The following MYO18B variants were observed in gnomAD, a reference collection of about 807,000 sequenced individuals.
MYO18B encodes the protein unconventional myosin-XVIIIb.
A neutral mutation model predicts 273.0 loss-of-function variants in MYO18B; 204 were observed. The ratio of observed to expected loss-of-function variants is 0.75; its 90% confidence interval spans 0.67 to 0.84. The LOEUF (loss-of-function observed/expected upper bound fraction) is 0.84, where lower values mean the gene tolerates loss of function less well. Among genes scored for constraint, MYO18B ranks in the 40% least tolerant of loss-of-function variants. MYO18B has a pLI of 0.00. For synonymous variants in MYO18B, 1,330 were observed against 1,305.7 expected (o/e 1.02, Z -0.40); for missense variants, 3,212 against 3,287.6 (o/e 0.98, Z 0.56).
intron 12 of MYO18B, among the ~76,000 whole-genome samples, chr22:25,800,119 G>A (rs1194732160): frequency 1.3e-5 from 2 of 152,132 alleles, no homozygotes; most frequent in Non-Finnish European, 2.9e-5. Flanking sequence ...TCACTTACAA[G>A]TGGGAGCTAA....
rs533499254 is a variant in MYO18B, at chr22:25,780,646, T to C, written c.2211+448T>C. Among the ~76,000 whole-genome samples the C allele has an allele frequency of 1.6e-4, 18 of 109,492 alleles. No homozygotes were observed. In the South Asian group the frequency reaches 5.1e-3, roughly 31 times the overall value. The allele number at this position is 109,492 out of a possible 152,430, so 71.8% of individuals were successfully genotyped here. On this transcript the variant is annotated intron_variant, in intron 9 of 43. Coordinates refer to ENST00000335473, the MANE Select transcript of MYO18B (RefSeq NM_032608.7). ...AAAAAAGAAAGAAAGAAAATAGTAA[T>C]AATAATAATAAAATAATGAAATGGT...
At chr22:25,964,058 T>C (rs1365623144) in intron 39 of MYO18B, 2 of 152,318 alleles carry the variant, frequency 1.3e-5, no homozygotes, top group East Asian at 3.9e-4. Context: ...TCCTCTGTTT[T>C]GAGAACTTGT....
At chr22:26,061,109 T>C in the MYO18B span, among the ~76,000 whole-genome samples, 677 of 152,320 alleles carry the variant, frequency 4.4e-3, 6 homozygotes, top group African/African-American at 0.015. Context: ...AGTGCCAGCT[T>C]CTGCTGAGGA....
intron 42 of MYO18B, among the ~76,000 whole-genome samples, chr22:26,025,246 G>A (rs183344341): frequency 6.6e-6 from 1 of 152,294 alleles, no homozygotes; most frequent in African/African-American, 2.4e-5. Context: ...CCTCAAGGGA[G>A]CTTTGGGTTG....
At chr22:26,033,770 A>C (rs2147048183), downstream of MYO18B, among the ~76,000 whole-genome samples, 1 of 139,406 alleles carries the variant, frequency 7.2e-6, no homozygotes, top group South Asian at 2.4e-4. Context: ...TTCTCTCTGT[A>C]TCTTTTTCTT....
At position 25,768,160 on chromosome 22, in the gene MYO18B, G is replaced by A; in HGVS notation, c.244G>A (p.Gly82Ser). ...CCAACCCAACAGCAAGTCCAGCAGTGGCACCAGATCTGGAAGCCAGCAGAT... is the reference window on the plus strand; with the variant it reads ...CCAACCCAACAGCAAGTCCAGCAGTAGCACCAGATCTGGAAGCCAGCAGAT... The part of the protein sequence containing the change: ...ISQPNSKSSS[G>S]TRSGSQQISQ... The change falls in exon 4 of 44, where the codon GGC (glycine) becomes AGC (serine). Residue 82 changes from glycine (G) to serine (S), a missense_variant. Coordinates refer to ENST00000335473, the MANE Select transcript of MYO18B (RefSeq NM_032608.7). 1 of 1,611,556 alleles carries A rather than the reference G, an allele frequency of 6.2e-7. No homozygotes were observed. The highest frequency in any genetic ancestry group is 8.5e-7 in the Non-Finnish European group (1 of 1,178,670).
intron 42 of MYO18B, among the ~76,000 whole-genome samples, chr22:26,008,386 C>T (rs1291462208): frequency 6.6e-6 from 1 of 152,160 alleles, no homozygotes; most frequent in Non-Finnish European, 1.5e-5. Flanking sequence ...CCTATTTATA[C>T]CCGCTCCCAT....
chr22:25,998,384 G>A (rs187822871), intron 40 of MYO18B, among the ~76,000 whole-genome samples: 10 of 152,316 alleles, frequency 6.6e-5, no homozygotes, highest in African/African-American at 1.7e-4. Flanking sequence ...GGGTTTGGGC[G>A]AGATGTAGAG....
chr22:26,016,577 T>C (rs1935344776), intron 42 of MYO18B, among the ~76,000 whole-genome samples: 1 of 152,216 alleles, frequency 6.6e-6, no homozygotes, highest in East Asian at 1.9e-4. Flanking sequence ...TCTGAATTAT[T>C]CAGCCCAGGT....
rs1175744553 is a variant in MYO18B at position 25,777,661 on chromosome 22, C to G, written c.1948C>G (p.Gln650Glu). ...AQRAYWALLN[Q>E]RRDQSIVALG... is the part of the protein sequence containing the mutation. ...GCGGGCATACTGGGCGCTGCTGAAC[C>G]AGCGGAGAGACCAGAGCATTGTGGC... Residue 650 changes from glutamine (Q) to glutamate (E), a missense_variant, in exon 8 of 44, where the codon CAG (glutamine) becomes GAG (glutamate). Physicochemically the swap from Gln to Glu is conservative, Grantham distance 29 (BLOSUM62 2). Transcript: ENST00000335473. 6.2e-7 allele frequency: 1 copy of G among 1,613,102 alleles called. No individual in the cohort carries two copies. The highest frequency in any genetic ancestry group is 1.7e-5 in the Admixed American group (1 of 59,938).
At chr22:25,901,657 T>C (rs2091937688) in intron 29 of MYO18B, 1 of 152,160 alleles carries the variant, frequency 6.6e-6, no homozygotes, top group Non-Finnish European at 1.5e-5. Flanking sequence ...AGACAATATG[T>C]TAAAATATGA....
At chr22:25,948,458 CCTT>C (rs2092748044) in intron 36 of MYO18B, among the ~76,000 whole-genome samples, 1 of 123,016 alleles carries the variant, frequency 8.1e-6, no homozygotes, top group Non-Finnish European at 1.7e-5. Context: ...TTCCTTCCTT[CCTT>C]CTTTCTTTCT....
chr22:25,782,323 C>T lies in MYO18B; in HGVS notation c.2312+489C>T, dbSNP rs190846018. 3.6e-3 allele frequency among the ~76,000 whole-genome samples: 552 copies of T among 152,304 alleles called. 1 individual carries two copies. Among genetic ancestry groups the T allele is most frequent in the Non-Finnish European group, 5.9e-3 (400 of 68,016 alleles). On this transcript the variant is annotated intron_variant, in intron 10 of 43. Coordinates refer to ENST00000335473, the MANE Select transcript of MYO18B (RefSeq NM_032608.7). Reference sequence around the variant, plus strand: ...TGGGAAGAGGGAGAGGGACAGCAGACCCCCATGTCTTCCAGAAGTTTCTAA... The same window carrying T: ...TGGGAAGAGGGAGAGGGACAGCAGATCCCCATGTCTTCCAGAAGTTTCTAA...
chr22:25,906,781 G>A (rs2092053554), intron 31 of MYO18B, among the ~76,000 whole-genome samples: 1 of 152,124 alleles, frequency 6.6e-6, no homozygotes, highest in African/African-American at 2.4e-5. Flanking sequence ...ATGGTGGCTG[G>A]CAAGAGAGAG....
chr22:25,826,939 T>C (rs1482634901), intron 14 of MYO18B, among the ~76,000 whole-genome samples: 2 of 152,026 alleles, frequency 1.3e-5, no homozygotes, highest in African/African-American at 4.8e-5. Context: ...TGGGCGCCTG[T>C]AATCCCAGCT....
chr22:26,021,910 G>A (rs1462699626), intron 42 of MYO18B, among the ~76,000 whole-genome samples: 1 of 152,190 alleles, frequency 6.6e-6, no homozygotes, highest in Non-Finnish European at 1.5e-5. Flanking sequence ...TAGCTGTTGT[G>A]ACCAATGACT....
At chr22:25,798,597 A>G (rs2088036230) in intron 12 of MYO18B, among the ~76,000 whole-genome samples, 1 of 151,700 alleles carries the variant, frequency 6.6e-6, no homozygotes, top group Non-Finnish European at 1.5e-5. Context: ...AGGGTCTTGC[A>G]TTGTTGTTCA....
chr22:25,798,964 C>T (rs1231863418), intron 12 of MYO18B, among the ~76,000 whole-genome samples: 1 of 152,030 alleles, frequency 6.6e-6, no homozygotes, highest in Admixed American at 6.6e-5. Context: ...TGTCTGCTTG[C>T]GATTTTCCCC....
At chr22:25,978,075 G>T (rs558708096) in intron 39 of MYO18B, among the ~76,000 whole-genome samples, 7 of 152,156 alleles carry the variant, frequency 4.6e-5, no homozygotes, top group African/African-American at 1.4e-4. Flanking sequence ...TACTACACGA[G>T]GTATTTGGGA....
Sources: gnomAD v4.1 joint callset for allele counts (sites outside exome capture counted in the v4.1 genomes callset) on GRCh38, gnomAD v4.1.1 for gene constraint, MANE v1.5 for transcripts, NCBI Gene and HGNC (gene_info 2026-07-23, HGNC 2026-07-21) for gene names.